RYR2: variants seen among roughly 807,000 people sequenced by gnomAD.
RYR2 encodes the protein cardiac muscle ryanodine receptor-calcium release channel.
Under a neutral mutation model 601.1 loss-of-function variants are expected in RYR2, and 227 were observed. The ratio of observed to expected loss-of-function variants is 0.38; its 90% CI spans 0.34 to 0.42. The LOEUF is 0.42. Ranked by LOEUF, RYR2 falls within the 10% of genes least tolerant of loss-of-function variation. RYR2 has a pLI of 1.00. For synonymous variants in RYR2, 2,223 were observed against 2,175.1 expected (o/e 1.02, Z -0.61); for missense variants, 4,646 against 6,156.5 (o/e 0.75, Z 8.21).
chr1:237,530,338 G>C, intron 24 of RYR2, 89 bp from the exon 25 acceptor site: 1 of 931,816 alleles, frequency 1.1e-6, no homozygotes, highest in South Asian at 1.5e-5. Context: ...GTGCTTTCAA[G>C]GTTGTATCTC....
At chr1:237,284,359 G>T (rs1290865466) in intron 2 of RYR2, among the ~76,000 whole-genome samples, 1 of 141,678 alleles carries the variant, frequency 7.1e-6, no homozygotes, top group Non-Finnish European at 1.5e-5. Context: ...CTGCCTGGGC[G>T]ACAACAGTGA....
intron 1 of RYR2, among the ~76,000 whole-genome samples, chr1:237,141,186 T>G (rs1673351270): frequency 6.6e-6 from 1 of 152,350 alleles, no homozygotes; most frequent in East Asian, 1.9e-4. Flanking sequence ...GAATTTCTAG[T>G]ACCATGGTTT....
At chr1:237,367,513 C>A (rs183464999) in intron 5 of RYR2, among the ~76,000 whole-genome samples, 1 of 152,232 alleles carries the variant, frequency 6.6e-6, no homozygotes, top group East Asian at 1.9e-4. Context: ...CTATATGGAA[C>A]AACAAGAATG....
At chr1:237,713,048 G>C (rs949262785) in intron 71 of RYR2, among the ~76,000 whole-genome samples, 35 of 152,318 alleles carry the variant, frequency 2.3e-4, no homozygotes, top group African/African-American at 8.2e-4. Context: ...AAGGGAAGTA[G>C]AATGGTATTG....
chr1:237,733,469 T>C (rs1690869289), intron 78 of RYR2, among the ~76,000 whole-genome samples: 1 of 152,172 alleles, frequency 6.6e-6, no homozygotes, highest in African/African-American at 2.4e-5. Context: ...TTTGTGAAAA[T>C]TGAAGGCCCT....
At chr1:237,540,103 T>C (rs1289795146) in intron 25 of RYR2, among the ~76,000 whole-genome samples, 1 of 152,132 alleles carries the variant, frequency 6.6e-6, no homozygotes, top group Non-Finnish European at 1.5e-5. Context: ...TATTCTTAAT[T>C]TCACGCATCT....
At chr1:237,792,848 G>T (rs896443877) in intron 94 of RYR2, among the ~76,000 whole-genome samples, 2 of 152,160 alleles carry the variant, frequency 1.3e-5, no homozygotes, top group Non-Finnish European at 1.5e-5. Context: ...GAAATATATT[G>T]TGTCAATCCT....
intron 2 of RYR2, among the ~76,000 whole-genome samples, chr1:237,292,913 T>G (rs1027933440): frequency 6.6e-6 from 1 of 151,992 alleles, no homozygotes; most frequent in Non-Finnish European, 1.5e-5. Flanking sequence ...CTTACTAAAG[T>G]CTCTTAGTTA....
chr1:237,162,182 C>T (rs1676086893), intron 1 of RYR2, among the ~76,000 whole-genome samples: 1 of 152,206 alleles, frequency 6.6e-6, no homozygotes, highest in Admixed American at 6.5e-5. Flanking sequence ...AATTAGTGTT[C>T]TGAAGCCATA....
chr1:237,448,724 T>C (rs774790548), intron 14 of RYR2, among the ~76,000 whole-genome samples: 15 of 152,158 alleles, frequency 9.9e-5, no homozygotes, highest in African/African-American at 3.6e-4. Flanking sequence ...TTTATCATTA[T>C]GAAATTACCT....
chr1:237,695,921 C>G (rs549110694), intron 63 of RYR2, among the ~76,000 whole-genome samples: 2 of 152,276 alleles, frequency 1.3e-5, no homozygotes, highest in South Asian at 4.1e-4. Flanking sequence ...ATTCCTTTAG[C>G]AATCACAGAA....
intron 1 of RYR2, among the ~76,000 whole-genome samples, chr1:237,101,299 TAAAAAAA>T (rs374151748): frequency 7.4e-5 from 7 of 94,168 alleles, no homozygotes; most frequent in Admixed American, 4.8e-4. Context: ...TTTTAGAAGT[TAAAAAAA>T]AAAAAAAAAA....
Position 237,610,520 on chromosome 1 carries a change from C to T in RYR2, c.4684-242C>T, listed in dbSNP as rs1677724508. Among the ~76,000 whole-genome samples, 2 of 152,168 alleles carry T rather than the reference C, an allele frequency of 1.3e-5. No homozygotes were observed. Among genetic ancestry groups the T allele is most frequent in the African/African-American group, 4.8e-5 (2 of 41,432 alleles). Reference sequence around the variant, plus strand: ...TGTGCCATTCAGTATATGGGAAAGACACATCCCGAAACCTGTTTGACTGCC... The same window carrying T: ...TGTGCCATTCAGTATATGGGAAAGATACATCCCGAAACCTGTTTGACTGCC... On this transcript the variant is annotated intron_variant, in intron 35 of 104. Coordinates refer to ENST00000366574, the MANE Select transcript of RYR2 (RefSeq NM_001035.3). The surrounding 1 kb of genome is among the most constrained non-coding windows in gnomAD (Gnocchi z 4.9).
intron 1 of RYR2, among the ~76,000 whole-genome samples, chr1:237,264,680 ATTT>A (rs1336885899): frequency 2.0e-5 from 3 of 149,098 alleles, no homozygotes; most frequent in African/African-American, 7.4e-5. Flanking sequence ...GACTCAGTTT[ATTT>A]TTTATTATTA....
chr1:237,786,935 C>G (rs533077505), intron 91 of RYR2, among the ~76,000 whole-genome samples: 6 of 152,134 alleles, frequency 3.9e-5, no homozygotes, highest in African/African-American at 1.2e-4. Context: ...AAAGTAGACA[C>G]AAATAACAGC....
chr1:237,807,371 GAC>G (rs2149441395), intron 99 of RYR2, among the ~76,000 whole-genome samples: 1 of 152,258 alleles, frequency 6.6e-6, no homozygotes, highest in South Asian at 2.1e-4. Flanking sequence ...TTGTTTTTAA[GAC>G]AGAGTCTTGC....
At chr1:237,227,656 C>T (rs988938953) in intron 1 of RYR2, among the ~76,000 whole-genome samples, 27 of 152,312 alleles carry the variant, frequency 1.8e-4, no homozygotes, top group African/African-American at 6.5e-4. Flanking sequence ...ATGGCATTCA[C>T]TGGCATGTCC....
chr1:237,665,085 G>T (rs994106334), intron 56 of RYR2, among the ~76,000 whole-genome samples: 1 of 152,110 alleles, frequency 6.6e-6, no homozygotes, highest in Non-Finnish European at 1.5e-5. Context: ...TTTGAGGCTG[G>T]TGGCCTATTT....
At position 237,784,646 on chromosome 1, in the gene RYR2, C is replaced by T. The variant is rs762753838; in HGVS notation, c.12934C>T (p.Leu4312=). 2 of 1,613,544 alleles carry T rather than the reference C, an allele frequency of 1.2e-6. No individual in the cohort carries two copies. The highest frequency in any genetic ancestry group is 1.3e-5 in the African/African-American group (1 of 74,956). ...FRGFFRIICS[L]LLGGSLVEGA... ...AGGCTTTTTCCGCATCATTTGCAGCCTGCTGCTTGGGGGAAGCCTCGTCGA... is the reference window on the plus strand; with the variant it reads ...AGGCTTTTTCCGCATCATTTGCAGCTTGCTGCTTGGGGGAAGCCTCGTCGA... Residue 4312 remains leucine (L), a synonymous_variant, in exon 90 of 105, where the codon CTG becomes TTG. Coordinates refer to ENST00000366574, the MANE Select transcript of RYR2 (RefSeq NM_001035.3). This position sits in a 1 kb window ranked among gnomAD's most constrained non-coding sequence, Gnocchi z 7.1.
Sources: allele counts gnomAD v4.1 joint callset (sites outside exome capture counted in the v4.1 genomes callset), GRCh38; gene constraint gnomAD v4.1.1; non-coding constraint Gnocchi (gnomAD v3.1); transcripts MANE v1.5; gene names NCBI Gene and HGNC (gene_info 2026-07-23, HGNC 2026-07-21).